CACNA2D1: variants seen among roughly 807,000 people sequenced by gnomAD.
CACNA2D1 encodes calcium voltage-gated channel auxiliary subunit alpha2delta 1, also known as voltage-dependent calcium channel subunit alpha-2/delta-1.
Under a neutral mutation model 171.5 loss-of-function variants are expected in CACNA2D1, and 53 were observed. The ratio of observed to expected loss-of-function variants is 0.31; its 90% confidence interval spans 0.25 to 0.39. The LOEUF is 0.39. CACNA2D1 is among the 10% of genes least tolerant of loss of function. The pLI, the probability that CACNA2D1 is intolerant of heterozygous loss-of-function variation, is 1.00. For synonymous variants in CACNA2D1, 442 were observed against 443.1 expected, an observed-to-expected ratio of 1.00 and a Z score of 0.03; for missense variants, 903 against 1,299.8, an observed-to-expected ratio of 0.69 and a Z score of 4.69.
rs1365418258 is a variant in CACNA2D1 at position 81,959,606 on chromosome 7, G to A, written c.3076+114C>T. The A allele has an allele frequency of 1.2e-5, 14 of 1,163,004 alleles. No homozygotes were observed. The East Asian group carries it at 1.5e-4, about 13-fold the overall frequency. 72.0% of individuals were successfully genotyped at this position (1,163,004 alleles called of 1,614,324 possible). On this transcript the variant is annotated intron_variant, in intron 37 of 38. Transcript: ENST00000356860. ...AGTGAGGAATCGATTCTGCCTTTGC[G>A]AGGTGATCAGAGCAGTCTAATAGTT...
At position 82,078,319 on chromosome 7, in the gene CACNA2D1, T is replaced by C. The variant is rs3823921; in HGVS notation, c.658+6450A>G. ...AAAAAAAGAGTAAGTGCTGGCTACA[T>C]TGGCATTTCAATGAACCACTGATTC... is the stretch of plus-strand genomic sequence containing the variant. On this transcript the variant is annotated intron_variant, in intron 7 of 38. Coordinates refer to ENST00000356860, the MANE Select transcript of CACNA2D1 (RefSeq NM_000722.4). 7.4e-4 allele frequency among the ~76,000 whole-genome samples: 113 copies of C among 152,238 alleles called. 4 individuals are homozygous for C. The East Asian group carries it at 0.021, about 28-fold the overall frequency.
intron 3 of CACNA2D1, among the ~76,000 whole-genome samples, chr7:82,299,522 G>A (rs1585394604): frequency 6.6e-6 from 1 of 151,974 alleles, no homozygotes; most frequent in Admixed American, 6.6e-5. Flanking sequence ...TTAGCCAGGC[G>A]TGGTGGTAGG....
At chr7:82,111,918 A>G (rs773718309) in intron 6 of CACNA2D1, among the ~76,000 whole-genome samples, 2 of 152,172 alleles carry the variant, frequency 1.3e-5, no homozygotes, top group African/African-American at 2.4e-5. Context: ...ATCCATCAAT[A>G]AATCAAAATA....
intron 10 of CACNA2D1, among the ~76,000 whole-genome samples, chr7:82,060,168 A>AT (rs1265585439): frequency 9.7e-5 from 1 of 10,316 alleles, no homozygotes; most frequent in African/African-American, 2.4e-4. Flanking sequence ...TATATATAAT[A>AT]TATATATATA....
chr7:81,971,221 G>A, intron 26 of CACNA2D1: 1 of 181,614 alleles, frequency 5.5e-6, no homozygotes. Flanking sequence ...TTAGATTCTG[G>A]CCAATATGAG....
At chr7:82,073,844 G>T (rs529821195) in intron 7 of CACNA2D1, among the ~76,000 whole-genome samples, 1 of 151,794 alleles carries the variant, frequency 6.6e-6, no homozygotes, top group African/African-American at 2.4e-5. Context: ...CAGGTGATCC[G>T]CCTGCCTCGG....
At chr7:82,193,982 T>C (rs889935533) in intron 3 of CACNA2D1, among the ~76,000 whole-genome samples, 1 of 152,036 alleles carries the variant, frequency 6.6e-6, no homozygotes, top group African/African-American at 2.4e-5. Flanking sequence ...TGCACTGGAA[T>C]CCCACTATAA....
intron 3 of CACNA2D1, among the ~76,000 whole-genome samples, chr7:82,183,836 A>G (rs1797387799): frequency 6.6e-6 from 1 of 152,060 alleles, no homozygotes; most frequent in African/African-American, 2.4e-5. Flanking sequence ...CTGGTGAACC[A>G]CTTCCAGTCC....
chr7:82,355,849 C>A (rs111707180), intron 1 of CACNA2D1, among the ~76,000 whole-genome samples: 5,807 of 152,148 alleles, frequency 0.038, 139 homozygotes, highest in South Asian at 0.081. Flanking sequence ...TATATAATCT[C>A]TAAATCTGAG....
chr7:82,266,682 A>G (rs2129342006), intron 3 of CACNA2D1, among the ~76,000 whole-genome samples: 1 of 151,994 alleles, frequency 6.6e-6, no homozygotes, highest in African/African-American at 2.4e-5. Flanking sequence ...ACGCCTGGCT[A>G]GTTTTTGTAT....
chr7:82,236,404 A>C (rs1490213591), intron 3 of CACNA2D1, among the ~76,000 whole-genome samples: 69 of 152,120 alleles, frequency 4.5e-4, no homozygotes, highest in Non-Finnish European at 1.2e-4. Flanking sequence ...TGTATTCCAA[A>C]CTGATAGGTA....
At chr7:82,131,365 G>C (rs563643155) in intron 5 of CACNA2D1, among the ~76,000 whole-genome samples, 2 of 152,100 alleles carry the variant, frequency 1.3e-5, no homozygotes, top group Admixed American at 6.6e-5. Flanking sequence ...GCCCAAGTAA[G>C]GTAAATGTCC....
intron 1 of CACNA2D1, among the ~76,000 whole-genome samples, chr7:82,426,376 A>T (rs1829189544): frequency 6.6e-6 from 1 of 152,080 alleles, no homozygotes; most frequent in East Asian, 1.9e-4. Context: ...AAACGGCCGC[A>T]CATAAAAGAC....
At chr7:82,432,952 A>C (rs1226686844) in intron 1 of CACNA2D1, among the ~76,000 whole-genome samples, 1 of 152,120 alleles carries the variant, frequency 6.6e-6, no homozygotes, top group Non-Finnish European at 1.5e-5. Context: ...TTGGGAGGCC[A>C]AGGCAGGTGG....
At chr7:82,334,979 C>T (rs1817810560) in intron 3 of CACNA2D1, among the ~76,000 whole-genome samples, 156 bp downstream of exon 3, 1 of 151,748 alleles carries the variant, frequency 6.6e-6, no homozygotes, top group African/African-American at 2.4e-5. Flanking sequence ...TTGGGGTTTG[C>T]ATTTAAACCA....
chr7:82,083,614 A>G (rs1050041994), intron 7 of CACNA2D1, among the ~76,000 whole-genome samples: 26 of 152,122 alleles, frequency 1.7e-4, no homozygotes, highest in Non-Finnish European at 3.2e-4. Context: ...AATAATACAA[A>G]TATTTAATTA....
intron 3 of CACNA2D1, among the ~76,000 whole-genome samples, chr7:82,207,527 T>C (rs76532800): frequency 0.02 from 3,035 of 149,342 alleles, 210 homozygotes; most frequent in Admixed American, 0.13. Flanking sequence ...AGATTTGAGG[T>C]TAAAAAAAAA....
intron 3 of CACNA2D1, among the ~76,000 whole-genome samples, chr7:82,319,789 T>C (rs941540875): frequency 1.3e-5 from 2 of 152,180 alleles, no homozygotes; most frequent in African/African-American, 4.8e-5. Flanking sequence ...GGAGTAGCTG[T>C]AATTGGGGAG....
At chr7:82,038,339 C>T in intron 10 of CACNA2D1, 104 bp from the exon 11 acceptor site, 1 of 985,048 alleles carries the variant, frequency 1.0e-6, no homozygotes, top group Admixed American at 2.3e-5. Context: ...GCATTGCTTA[C>T]TCTTTCAAAT....
Sources: allele counts gnomAD v4.1 joint callset (sites outside exome capture counted in the v4.1 genomes callset), GRCh38; gene constraint gnomAD v4.1.1; transcripts MANE v1.5; gene names NCBI Gene and HGNC (gene_info 2026-07-23, HGNC 2026-07-21).